The following SIK3 variants were observed in gnomAD, a reference collection of about 807,000 sequenced individuals.
The protein encoded by SIK3 is SIK family kinase 3.
A neutral mutation model predicts 144.2 loss-of-function variants in SIK3; 28 were observed. The observed-to-expected ratio is 0.19, with a 90% CI of 0.14 to 0.27. The LOEUF (loss-of-function observed/expected upper bound fraction) is 0.27. Ranked by LOEUF, SIK3 falls within the 10% of genes least tolerant of loss-of-function variation. The probability of loss-of-function intolerance (pLI) is 1.00; values close to 1 mark genes in which losing one functional copy is unlikely to be tolerated. For missense variants in SIK3, 1,319 were observed against 1,776.0 expected (o/e 0.74, Z 4.62); for synonymous variants, 686 against 676.3 (o/e 1.01, Z -0.22).
intron 14 of SIK3, 77 bp downstream of exon 14, chr11:116,870,254 G>T: frequency 1.3e-6 from 2 of 1,595,296 alleles, no homozygotes; most frequent in South Asian, 2.3e-5. Flanking sequence ...CCACCTCCTT[G>T]GGCAGAGGTG....
chr11:117,098,296 G>C lies in SIK3; in HGVS notation c.120C>G (p.Ala40=), dbSNP rs758426920. 7 of 1,197,932 alleles carry C rather than the reference G, an allele frequency of 5.8e-6. No individual in the cohort carries two copies. In the South Asian group the frequency reaches 1.3e-4, roughly 22 times the overall value. 74.2% of individuals were successfully genotyped at this position (1,197,932 alleles called of 1,614,324 possible). The change falls in exon 1 of 25, where the codon GCC becomes GCG. Residue 40 remains alanine, a synonymous_variant. Coordinates refer to ENST00000445177, the MANE Select transcript of SIK3 (RefSeq NM_001366686.3). Reference sequence around the variant, plus strand: ...GCGGCTGGCCGGCCGCAGGGGACACGGCAGCGGGGGCGGCTGGGGACCCCG... The same window carrying C: ...GCGGCTGGCCGGCCGCAGGGGACACCGCAGCGGGGGCGGCTGGGGACCCCG... ...PAPGSPAAPA[A]VSPAAGQPRP... is the part of the protein sequence containing the mutation.
At chr11:117,053,108 G>A (rs1591617184) in intron 1 of SIK3, among the ~76,000 whole-genome samples, 2 of 152,154 alleles carry the variant, frequency 1.3e-5, no homozygotes, top group South Asian at 2.1e-4. Context: ...GGAGGCCGAG[G>A]TGGGTGGATC....
chr11:117,038,136 C>T (rs1352084425), intron 1 of SIK3, among the ~76,000 whole-genome samples: 1 of 152,080 alleles, frequency 6.6e-6, no homozygotes, highest in African/African-American at 2.4e-5. Flanking sequence ...CAGAAACATC[C>T]TGTATAGAGA....
intron 1 of SIK3, among the ~76,000 whole-genome samples, chr11:117,096,536 C>CGACTTCCCCT (rs942884151): frequency 6.6e-6 from 1 of 152,186 alleles, no homozygotes; most frequent in African/African-American, 2.4e-5. Flanking sequence ...TTGGCTCAAT[C>CGACTTCCCCT]GACTTCCCCT....
At position 116,849,073 on chromosome 11, in the gene SIK3, T is replaced by G; in HGVS notation, c.3819+47A>C. On this transcript the variant is annotated intron_variant, in intron 22 of 24. Coordinates refer to ENST00000445177, the MANE Select transcript of SIK3 (RefSeq NM_001366686.3). The surrounding 1 kb of genome is among the most constrained non-coding windows in gnomAD (Gnocchi z 4.2). Reference sequence around the variant, plus strand: ...ACATCACTATACTCTGTTTCAAGGCTGGGACTGGGAGGATCCACCTCTGTG... The same window carrying G: ...ACATCACTATACTCTGTTTCAAGGCGGGGACTGGGAGGATCCACCTCTGTG... 1 of 1,534,432 alleles carries G rather than the reference T, an allele frequency of 6.5e-7. No individual in the cohort carries two copies. The highest frequency in any genetic ancestry group is 8.8e-7 in the Non-Finnish European group (1 of 1,136,294).
intron 1 of SIK3, among the ~76,000 whole-genome samples, chr11:116,977,237 TCC>T (rs1949977946): frequency 1.7e-5 from 1 of 58,376 alleles, no homozygotes; most frequent in African/African-American, 6.2e-5. Context: ...CCTCCCTCCC[TCC>T]CTCCCTCCCT....
At chr11:116,923,198 G>A (rs952145277) in intron 4 of SIK3, among the ~76,000 whole-genome samples, 3 of 152,152 alleles carry the variant, frequency 2.0e-5, no homozygotes, top group African/African-American at 2.4e-5. Flanking sequence ...TTACAGGCAT[G>A]AGCCACTGCG....
intron 1 of SIK3, among the ~76,000 whole-genome samples, chr11:117,057,289 TC>T (rs1953579155): frequency 6.6e-6 from 1 of 152,198 alleles, no homozygotes; most frequent in Non-Finnish European, 1.5e-5. Flanking sequence ...TTTATGTACA[TC>T]TGCACTAATT....
intron 6 of SIK3, among the ~76,000 whole-genome samples, chr11:116,880,096 G>C (rs1944468386): frequency 6.6e-6 from 1 of 152,126 alleles, no homozygotes; most frequent in South Asian, 2.1e-4. Context: ...TCAGTTACAG[G>C]CTTGCTTTAA....
chr11:116,870,477 G>C, intron 13 of SIK3, 76 bp from the exon 14 acceptor site: 1 of 1,592,288 alleles, frequency 6.3e-7, no homozygotes, highest in Non-Finnish European at 8.6e-7. Context: ...AACTGGGCTT[G>C]GGGCAGGACT....
At chr11:116,896,438 G>A (rs1174404427) in intron 5 of SIK3, 62 bp from the exon 6 acceptor site, 5 of 1,567,056 alleles carry the variant, frequency 3.2e-6, no homozygotes, top group African/African-American at 1.4e-5. Flanking sequence ...AAAGACTACT[G>A]TAGTGTGTGT....
intron 1 of SIK3, among the ~76,000 whole-genome samples, chr11:117,079,820 CAAAG>C (rs532784983): frequency 1.3e-5 from 2 of 151,458 alleles, no homozygotes; most frequent in Non-Finnish European, 2.9e-5. Flanking sequence ...AGTCAAAAGA[CAAAG>C]AAAAATATCA....
chr11:116,869,767 T>C (rs1271150486), intron 14 of SIK3: 1 of 241,638 alleles, frequency 4.1e-6, no homozygotes, highest in African/African-American at 2.3e-5. Flanking sequence ...GTTAGGCATC[T>C]CTCAACAAGG....
intron 1 of SIK3, among the ~76,000 whole-genome samples, chr11:117,007,213 A>C (rs1427620433): frequency 2.0e-5 from 3 of 152,202 alleles, no homozygotes; most frequent in Non-Finnish European, 4.4e-5. Flanking sequence ...CCCTGTCTCT[A>C]CTAAAAATAT....
intron 6 of SIK3, among the ~76,000 whole-genome samples, chr11:116,891,763 A>C (rs965540203): frequency 6.6e-6 from 1 of 152,280 alleles, no homozygotes; most frequent in Middle Eastern, 3.4e-3. Flanking sequence ...CATGTAGCAA[A>C]GTTGACAATA....
chr11:116,981,068 G>A (rs188293408), intron 1 of SIK3, among the ~76,000 whole-genome samples: 9 of 152,176 alleles, frequency 5.9e-5, no homozygotes, highest in Admixed American at 5.9e-4. Flanking sequence ...GGTTACCACC[G>A]ATGTTTAGTT....
At chr11:116,946,791 A>G (rs926626629) in intron 3 of SIK3, among the ~76,000 whole-genome samples, 1 of 152,088 alleles carries the variant, frequency 6.6e-6, no homozygotes, top group Non-Finnish European at 1.5e-5. Flanking sequence ...CTTCTTTAAC[A>G]TCTGTCTCCA....
intron 4 of SIK3, 108 bp downstream of exon 4, chr11:116,927,111 T>C: frequency 2.6e-6 from 2 of 771,854 alleles, no homozygotes; most frequent in East Asian, 2.9e-5. Flanking sequence ...TTGTCCTTAC[T>C]TTCACAATAG....
intron 1 of SIK3, among the ~76,000 whole-genome samples, chr11:117,000,550 T>G (rs1443482708): frequency 6.6e-6 from 1 of 152,266 alleles, no homozygotes; most frequent in Admixed American, 6.5e-5. Flanking sequence ...ACATTAATGA[T>G]GAAGCATCAT....
Sources: gnomAD v4.1 joint callset for allele counts (sites outside exome capture counted in the v4.1 genomes callset) on GRCh38, gnomAD v4.1.1 for gene constraint, Gnocchi (gnomAD v3.1) non-coding constraint, MANE v1.5 for transcripts, NCBI Gene and HGNC (gene_info 2026-07-23, HGNC 2026-07-21) for gene names.